HYDIN: variants seen among roughly 807,000 people sequenced by gnomAD.
HYDIN encodes the protein axonemal central pair apparatus protein HYDIN.
HYDIN carries 132 observed loss-of-function variants against 403.9 expected under a neutral mutation model. That is an observed-to-expected ratio of 0.33 (90% CI 0.28 to 0.38). The LOEUF is 0.38. Ranked by LOEUF, HYDIN falls within the 10% of genes least tolerant of loss-of-function variation. The probability of loss-of-function intolerance (pLI) is 1.00; values close to 1 mark genes in which losing one functional copy is unlikely to be tolerated. For synonymous variants in HYDIN, 1,202 were observed against 1,891.7 expected (o/e 0.64, Z 9.46); for missense variants, 2,827 against 5,009.5 (o/e 0.56, Z 13.15).
At chr16:71,073,778 C>T (rs1236429774) in intron 13 of HYDIN, among the ~76,000 whole-genome samples, 1 of 152,166 alleles carries the variant, frequency 6.6e-6, no homozygotes, top group Non-Finnish European at 1.5e-5. Flanking sequence ...TTTAACCCAT[C>T]CAAGGATTCA....
intron 23 of HYDIN, among the ~76,000 whole-genome samples, chr16:70,998,263 T>C (rs1424416762): frequency 6.6e-6 from 1 of 151,856 alleles, no homozygotes; most frequent in Non-Finnish European, 1.5e-5. Context: ...TTCAAGTATA[T>C]GGAAAGAAAA....
At chr16:70,836,666 G>T (rs1199136744) in intron 77 of HYDIN, among the ~76,000 whole-genome samples, 1 of 152,184 alleles carries the variant, frequency 6.6e-6, no homozygotes, top group Non-Finnish European at 1.5e-5. Flanking sequence ...ACTGGTCACT[G>T]TCATGGTCAG....
Position 71,129,660 on chromosome 16 carries a change from C to G in HYDIN, c.1207G>C (p.Val403Leu). Residue 403 changes from valine (V) to leucine (L), a missense_variant, in exon 9 of 86, where the codon GTT becomes CTT. By Grantham distance (32) the Val-to-Leu change is conservative. Transcript: ENST00000393567. ...QGDSKLFFNN[V>L]FTVEPLEGDV... is the part of the protein sequence containing the mutation. The stretch of plus-strand genomic sequence containing the variant: ...CTCACCAGGGGCTCCACAGTGAAAA[C>G]GTTATTGAAGAACAGCTTGCTGTCT... 13 of 1,613,994 alleles carry G rather than the reference C, an allele frequency of 8.1e-6. No homozygotes were observed. The highest frequency in any genetic ancestry group is 1.1e-5 in the Non-Finnish European group (13 of 1,179,946).
At chr16:71,181,781 C>T (rs763302071) in intron 3 of HYDIN, among the ~76,000 whole-genome samples, 28 of 151,992 alleles carry the variant, frequency 1.8e-4, no homozygotes, top group Non-Finnish European at 3.4e-4. Context: ...TTTTTGTATG[C>T]TGAACATAGT....
intron 23 of HYDIN, among the ~76,000 whole-genome samples, chr16:70,998,626 C>G (rs2079605261): frequency 7.4e-6 from 1 of 135,726 alleles, no homozygotes; most frequent in Non-Finnish European, 1.5e-5. Flanking sequence ...CCCCCTGCCT[C>G]TCATCCATCC....
rs763853404 is a variant in HYDIN, at chr16:70,863,113, T to C, written c.11541A>G (p.Ala3847=). ...FSWVSEDTSK[A]VSFAKPDHQG... ...GGTGATCTGGTTTTGCAAAGCTGAC[T>C]GCCTTTGAGGTATCTTCTGAGACCC... Residue 3847 remains alanine, a synonymous_variant, in exon 68 of 86, where the codon GCA becomes GCG. Coordinates refer to ENST00000393567, the MANE Select transcript of HYDIN (RefSeq NM_001270974.2). 1 of 1,614,180 alleles carries C rather than the reference T, an allele frequency of 6.2e-7. No individual in the cohort carries two copies. The highest frequency in any genetic ancestry group is 1.7e-5 in the Admixed American group (1 of 60,032).
chr16:70,945,230 T>C (rs1029950422), intron 41 of HYDIN, among the ~76,000 whole-genome samples: 17 of 152,140 alleles, frequency 1.1e-4, no homozygotes, highest in African/African-American at 3.9e-4. Flanking sequence ...GTTTTGGAAG[T>C]AGGGCCAGTA....
At chr16:70,968,833 T>G (rs899908663) in intron 36 of HYDIN, among the ~76,000 whole-genome samples, 5 of 152,188 alleles carry the variant, frequency 3.3e-5, no homozygotes, top group African/African-American at 1.2e-4. Context: ...AAGGTAATAG[T>G]GATATTAGTT....
At chr16:71,126,027 G>A (rs1036112788) in intron 9 of HYDIN, among the ~76,000 whole-genome samples, 2 of 151,946 alleles carry the variant, frequency 1.3e-5, no homozygotes, top group Non-Finnish European at 2.9e-5. Context: ...ACAGGGAAAT[G>A]CTGCTTGCAC....
chr16:71,021,288 C>G (rs2080482849), intron 21 of HYDIN, among the ~76,000 whole-genome samples: 1 of 151,144 alleles, frequency 6.6e-6, no homozygotes, highest in South Asian at 2.1e-4. Context: ...GTGATCTCAG[C>G]TCACTGCAAC....
At chr16:71,194,564 T>A (rs1477674623) in intron 1 of HYDIN, among the ~76,000 whole-genome samples, 1 of 152,178 alleles carries the variant, frequency 6.6e-6, no homozygotes, top group Admixed American at 6.5e-5. Flanking sequence ...CCTCACTAAA[T>A]AATGGAGATA....
intron 1 of HYDIN, among the ~76,000 whole-genome samples, chr16:71,202,731 G>A (rs112240438): frequency 6.6e-6 from 1 of 152,158 alleles, no homozygotes; most frequent in African/African-American, 2.4e-5. Flanking sequence ...CATCTTGCTT[G>A]GATTCAAGTT....
intron 10 of HYDIN, among the ~76,000 whole-genome samples, chr16:71,106,069 G>A (rs2083604070): frequency 6.6e-6 from 1 of 152,070 alleles, no homozygotes; most frequent in South Asian, 2.1e-4. Flanking sequence ...GTACTCAGCA[G>A]AAAGTCCAAT....
chr16:70,851,115 A>G (rs982365203), intron 73 of HYDIN, among the ~76,000 whole-genome samples: 2 of 151,294 alleles, frequency 1.3e-5, no homozygotes, highest in African/African-American at 4.9e-5. Flanking sequence ...CATCGTAGAC[A>G]TCAGCCTTGG....
chr16:71,103,949 T>G (rs563667050), intron 10 of HYDIN, among the ~76,000 whole-genome samples: 1 of 152,316 alleles, frequency 6.6e-6, no homozygotes, highest in East Asian at 1.9e-4. Context: ...TTTCTCTCAT[T>G]AATCTTTCAT....
At chr16:71,077,725 C>T (rs1410182776) in intron 13 of HYDIN, among the ~76,000 whole-genome samples, 1 of 151,200 alleles carries the variant, frequency 6.6e-6, no homozygotes, top group Non-Finnish European at 1.5e-5. Context: ...TTGTAATATC[C>T]CAGTCCCCAG....
chr16:70,867,071 G>A (rs1292065742), intron 66 of HYDIN, among the ~76,000 whole-genome samples: 1 of 146,282 alleles, frequency 6.8e-6, no homozygotes, highest in African/African-American at 2.5e-5. Context: ...ATTTGGTAAG[G>A]ATATTTGCAG....
At chr16:71,050,723 C>A (rs2081607811) in intron 18 of HYDIN, among the ~76,000 whole-genome samples, 1 of 151,970 alleles carries the variant, frequency 6.6e-6, no homozygotes, top group Non-Finnish European at 1.5e-5. Context: ...CATTTAAAAT[C>A]ATAAGACAAT....
intron 28 of HYDIN, among the ~76,000 whole-genome samples, chr16:70,982,248 T>G (rs2079069384): frequency 6.6e-6 from 1 of 151,280 alleles, no homozygotes; most frequent in Non-Finnish European, 1.5e-5. Flanking sequence ...TTTTGTGAAA[T>G]TAACAATTTC....
Sources: gnomAD v4.1 joint callset for allele counts (sites outside exome capture counted in the v4.1 genomes callset) on GRCh38, gnomAD v4.1.1 for gene constraint, MANE v1.5 for transcripts, NCBI Gene and HGNC (gene_info 2026-07-23, HGNC 2026-07-21) for gene names.